MKLN1: variants seen among roughly 807,000 people sequenced by gnomAD.
The protein encoded by MKLN1 is muskelin 1, also known as muskelin.
Under a neutral mutation model 99.0 loss-of-function variants are expected in MKLN1, and 18 were observed. The observed-to-expected ratio is 0.18, with a 90% CI of 0.13 to 0.27. The LOEUF is 0.27. MKLN1 is among the 10% of genes least tolerant of loss of function. The pLI is 1.00. For missense variants in MKLN1, 621 were observed against 875.9 expected (o/e 0.71, Z 3.67); for synonymous variants, 288 against 293.2 (o/e 0.98, Z 0.18).
intron 3 of MKLN1, among the ~76,000 whole-genome samples, chr7:131,264,928 T>G (rs1183262189): frequency 1.3e-5 from 2 of 152,100 alleles, no homozygotes; most frequent in Admixed American, 1.3e-4. Context: ...AACCTCCGTC[T>G]CCCGGGTTCA....
chr7:131,368,051 G>A (rs976270734), intron 1 of MKLN1, among the ~76,000 whole-genome samples: 3 of 152,092 alleles, frequency 2.0e-5, no homozygotes, highest in African/African-American at 7.2e-5. Flanking sequence ...ATACAAGGGA[G>A]GATAATAATG....
intron 3 of MKLN1, among the ~76,000 whole-genome samples, chr7:131,234,592 A>T (rs1797289218): frequency 6.6e-6 from 1 of 152,160 alleles, no homozygotes. Flanking sequence ...AAGAGAAAAA[A>T]TGATGTGTGG....
chr7:131,260,745 A>G (rs1797719235), intron 3 of MKLN1, among the ~76,000 whole-genome samples: 1 of 152,158 alleles, frequency 6.6e-6, no homozygotes, highest in Admixed American at 6.5e-5. Context: ...GGAGTGAAAC[A>G]GAATAGAGAG....
chr7:131,429,728 G>A (rs1437677929), intron 9 of MKLN1, among the ~76,000 whole-genome samples: 6 of 152,066 alleles, frequency 3.9e-5, no homozygotes, highest in Admixed American at 1.3e-4. Context: ...ACAGGCGTCC[G>A]CCACCACGCC....
At chr7:131,187,578 G>T (rs745444387) in intron 2 of MKLN1, among the ~76,000 whole-genome samples, 16 of 152,274 alleles carry the variant, frequency 1.1e-4, no homozygotes, top group Non-Finnish European at 1.6e-4. Flanking sequence ...TTATGACAGA[G>T]ACTATACAGC....
At chr7:131,322,640 G>T (rs1478861468) in intron 3 of MKLN1, among the ~76,000 whole-genome samples, 1 of 145,012 alleles carries the variant, frequency 6.9e-6, no homozygotes, top group Non-Finnish European at 1.5e-5. Context: ...GCGCAATCTC[G>T]GCTCACTGCA....
chr7:131,225,277 C>T (rs1327497636), intron 3 of MKLN1, among the ~76,000 whole-genome samples: 1 of 152,158 alleles, frequency 6.6e-6, no homozygotes, highest in Non-Finnish European at 1.5e-5. Flanking sequence ...CACCTTCTTG[C>T]TGTGTCTCCA....
At chr7:131,251,148 T>A (rs1563267433) in intron 3 of MKLN1, among the ~76,000 whole-genome samples, 1 of 150,162 alleles carries the variant, frequency 6.7e-6, no homozygotes, top group Non-Finnish European at 1.5e-5. Context: ...CATCTTAAAG[T>A]GTATAATTCA....
chr7:131,460,614 ACTT>A (rs1449054974), intron 12 of MKLN1, among the ~76,000 whole-genome samples: 2 of 152,134 alleles, frequency 1.3e-5, no homozygotes, highest in Admixed American at 1.3e-4. Context: ...CTCACAATCT[ACTT>A]CTTCTCTTTG....
intron 3 of MKLN1, among the ~76,000 whole-genome samples, chr7:131,247,772 A>G (rs1271493111): frequency 6.6e-6 from 1 of 152,160 alleles, no homozygotes; most frequent in African/African-American, 2.4e-5. Flanking sequence ...TAGTATTCCC[A>G]TTTGAACTGG....
intron 3 of MKLN1, among the ~76,000 whole-genome samples, chr7:131,282,226 G>A (rs1303544698): frequency 6.6e-6 from 1 of 151,866 alleles, no homozygotes; most frequent in African/African-American, 2.4e-5. Flanking sequence ...GCGCATGCCT[G>A]TAATCCCAGC....
intron 3 of MKLN1, among the ~76,000 whole-genome samples, chr7:131,272,296 C>G (rs1283980710): frequency 6.6e-6 from 1 of 152,158 alleles, no homozygotes; most frequent in Non-Finnish European, 1.5e-5. Context: ...ATAATTAACC[C>G]AAGGCATATC....
At position 131,430,744 on chromosome 7, in the gene MKLN1, C is replaced by G. The variant is rs557884984; in HGVS notation, c.960+1599C>G. ...TTTATATCTCCATTGTTGACCTATT[C>G]TGTGTTCACCAACACAGTCTTTAAA... is the stretch of plus-strand genomic sequence containing the variant. On this transcript the variant is annotated intron_variant, in intron 9 of 17. Transcript: ENST00000352689. Among the ~76,000 whole-genome samples, 3 of 152,236 alleles carry G rather than the reference C, an allele frequency of 2.0e-5. No homozygotes were observed. The South Asian group carries it at 6.2e-4, about 32-fold the overall frequency.
intron 1 of MKLN1, among the ~76,000 whole-genome samples, chr7:131,359,437 G>T (rs113269692): frequency 6.6e-6 from 1 of 152,038 alleles, no homozygotes; most frequent in African/African-American, 2.4e-5. Context: ...ATATCCTTGT[G>T]TGAGCTTGAG....
chr7:131,247,235 C>CTTTTTTTTTTTTTTTTTTTTTT (rs72068521), intron 3 of MKLN1, among the ~76,000 whole-genome samples: 37 of 141,164 alleles, frequency 2.6e-4, no homozygotes, highest in East Asian at 6.4e-4. Context: ...TTTCTTTTTT[C>CTTTTTTTTTTTTTTTTTTTTTT]TTTTTTTTTT....
intron 3 of MKLN1, among the ~76,000 whole-genome samples, chr7:131,295,364 A>G (rs1321937112): frequency 6.6e-6 from 1 of 152,308 alleles, no homozygotes; most frequent in East Asian, 1.9e-4. Context: ...AAATGCTGAT[A>G]AACACATTGT....
At chr7:131,444,854 G>C (rs1418907252) in intron 11 of MKLN1, among the ~76,000 whole-genome samples, 1 of 150,838 alleles carries the variant, frequency 6.6e-6, no homozygotes, top group Admixed American at 6.6e-5. Flanking sequence ...TAGGAGACAG[G>C]GCCTTGCTGT....
intron 3 of MKLN1, among the ~76,000 whole-genome samples, chr7:131,287,515 T>C (rs1468659244): frequency 1.3e-5 from 2 of 152,164 alleles, no homozygotes; most frequent in African/African-American, 4.8e-5. Context: ...AGGATACATG[T>C]GATTGCATTT....
At chr7:131,474,738 A>G (rs1056898095) in intron 16 of MKLN1, among the ~76,000 whole-genome samples, 4 of 152,214 alleles carry the variant, frequency 2.6e-5, no homozygotes, top group African/African-American at 9.6e-5. Flanking sequence ...AAATTGATAA[A>G]CCCCAAGCAA....
Sources: allele counts gnomAD v4.1 joint callset (sites outside exome capture counted in the v4.1 genomes callset), GRCh38; gene constraint gnomAD v4.1.1; transcripts MANE v1.5; gene names NCBI Gene and HGNC (gene_info 2026-07-23, HGNC 2026-07-21).